The following GRM3 variants were observed in gnomAD, a reference collection of about 807,000 sequenced individuals.
The protein encoded by GRM3 is metabotropic glutamate receptor 3.
Under a neutral mutation model 70.5 loss-of-function variants are expected in GRM3, and 26 were observed. That is an observed-to-expected ratio of 0.37 (90% CI 0.27 to 0.51). The LOEUF (loss-of-function observed/expected upper bound fraction) is 0.51. Among genes scored for constraint, GRM3 ranks in the 20% least tolerant of loss-of-function variants. The pLI, the probability that GRM3 is intolerant of heterozygous loss-of-function variation, is 0.93. For missense variants in GRM3, 859 were observed against 1,123.8 expected (o/e 0.76, Z 3.37); for synonymous variants, 443 against 434.9 (o/e 1.02, Z -0.23).
chr7:86,795,798 T>A (rs1312815127), intron 3 of GRM3, among the ~76,000 whole-genome samples: 2 of 152,212 alleles, frequency 1.3e-5, no homozygotes, highest in Non-Finnish European at 1.5e-5. Context: ...TATTTCTGGT[T>A]CAAGGTCTTT....
intron 4 of GRM3, among the ~76,000 whole-genome samples, chr7:86,840,869 C>G (rs995652408): frequency 2.0e-5 from 3 of 151,938 alleles, no homozygotes; most frequent in Non-Finnish European, 4.4e-5. Flanking sequence ...CCAGCAATTC[C>G]TACATCGCCA....
intron 1 of GRM3, among the ~76,000 whole-genome samples, chr7:86,747,335 A>G (rs1796125787): frequency 6.6e-6 from 1 of 152,104 alleles, no homozygotes; most frequent in African/African-American, 2.4e-5. Flanking sequence ...TCAGGGTAAA[A>G]GGGATTTCAA....
At chr7:86,849,622 A>G (rs1277233427) in intron 4 of GRM3, among the ~76,000 whole-genome samples, 1 of 152,148 alleles carries the variant, frequency 6.6e-6, no homozygotes, top group Non-Finnish European at 1.5e-5. Context: ...GGGGAAAGGA[A>G]AAAAATCTAA....
At chr7:86,857,802 AG>A (rs900899798) in intron 5 of GRM3, among the ~76,000 whole-genome samples, 1 of 152,186 alleles carries the variant, frequency 6.6e-6, no homozygotes, top group Non-Finnish European at 1.5e-5. Context: ...GGCAACTAAG[AG>A]AGTGAAAAGA....
intron 1 of GRM3, among the ~76,000 whole-genome samples, chr7:86,661,032 T>C (rs946265042): frequency 1.3e-5 from 2 of 151,998 alleles, no homozygotes; most frequent in Admixed American, 6.6e-5. Context: ...ATTTTAAAAC[T>C]ACATTTGAAG....
chr7:86,692,338 C>T (rs1794714957), intron 1 of GRM3, among the ~76,000 whole-genome samples: 1 of 152,174 alleles, frequency 6.6e-6, no homozygotes, highest in Admixed American at 6.5e-5. Context: ...TGGCCCTTAA[C>T]CATCTCTTTG....
chr7:86,709,438 T>A (rs1795140886), intron 1 of GRM3, among the ~76,000 whole-genome samples: 1 of 152,076 alleles, frequency 6.6e-6, no homozygotes, highest in African/African-American at 2.4e-5. Context: ...TAAATTTTAT[T>A]CTCTTGCATA....
At chr7:86,651,291 TAAA>T (rs1316689454) in intron 1 of GRM3, among the ~76,000 whole-genome samples, 1 of 152,182 alleles carries the variant, frequency 6.6e-6, no homozygotes, top group Non-Finnish European at 1.5e-5. Flanking sequence ...TTAATGGACA[TAAA>T]AAAGGAACAG....
At chr7:86,856,875 AAC>A (rs1798860239) in intron 5 of GRM3, among the ~76,000 whole-genome samples, 1 of 152,168 alleles carries the variant, frequency 6.6e-6, no homozygotes, top group Non-Finnish European at 1.5e-5. Context: ...CTTCTTTAAT[AAC>A]AGTGACCACA....
intron 5 of GRM3, among the ~76,000 whole-genome samples, chr7:86,854,651 T>C (rs1798814301): frequency 6.6e-6 from 1 of 152,164 alleles, no homozygotes; most frequent in Non-Finnish European, 1.5e-5. Context: ...CCCATAGATA[T>C]TCTGATTCAT....
intron 1 of GRM3, among the ~76,000 whole-genome samples, chr7:86,755,765 C>CT (rs1796331574): frequency 6.6e-6 from 1 of 151,956 alleles, no homozygotes; most frequent in Non-Finnish European, 1.5e-5. Context: ...TCTAGAATGC[C>CT]TAAGGGGGTT....
intron 1 of GRM3, among the ~76,000 whole-genome samples, chr7:86,748,427 C>T (rs1470439191): frequency 6.6e-6 from 1 of 151,970 alleles, no homozygotes; most frequent in East Asian, 1.9e-4. Flanking sequence ...CAATATGTTA[C>T]ATCCACAGAT....
At chr7:86,703,728 AAG>A (rs1794995688) in intron 1 of GRM3, among the ~76,000 whole-genome samples, 1 of 151,944 alleles carries the variant, frequency 6.6e-6, no homozygotes, top group African/African-American at 2.4e-5. Context: ...AAGAAATGGA[AAG>A]TTGACGGCAC....
Position 86,850,394 on chromosome 7 carries a change from T to G in GRM3, c.2416T>G (p.Ser806Ala). ...GGTGCAGACGACAACCATGTGCATC[T>G]CTGTCAGCCTGAGTGGCTTTGTGGT... Reference protein sequence around the residue: ...YRVQTTTMCISVSLSGFVVLG... With the variant: ...YRVQTTTMCIAVSLSGFVVLG... Residue 806 changes from serine (S) to alanine (A), a missense_variant, in exon 5 of 6, where the codon TCT becomes GCT. Ser to Ala is a moderately conservative substitution (Grantham distance 99, BLOSUM62 1). Coordinates refer to ENST00000361669, the MANE Select transcript of GRM3 (RefSeq NM_000840.3). The G allele has an allele frequency of 6.2e-7, 1 of 1,612,964 alleles. No homozygotes were observed. Among genetic ancestry groups the G allele is most frequent in the Non-Finnish European group, 8.5e-7 (1 of 1,179,250 alleles).
intron 1 of GRM3, among the ~76,000 whole-genome samples, chr7:86,704,483 T>C (rs1314262484): frequency 6.6e-6 from 1 of 151,914 alleles, no homozygotes; most frequent in Non-Finnish European, 1.5e-5. Flanking sequence ...ATATCTTCCT[T>C]TGTAAGTCCC....
intron 1 of GRM3, among the ~76,000 whole-genome samples, chr7:86,706,621 C>T (rs1369744412): frequency 1.3e-5 from 2 of 151,838 alleles, no homozygotes; most frequent in African/African-American, 4.8e-5. Context: ...GTGCAAGGCT[C>T]ACATGGAAGC....
intron 1 of GRM3, among the ~76,000 whole-genome samples, chr7:86,747,337 G>A (rs1434163229): frequency 1.3e-5 from 2 of 151,686 alleles, no homozygotes; most frequent in African/African-American, 4.8e-5. Context: ...AGGGTAAAAG[G>A]GATTTCAAAG....
intron 1 of GRM3, among the ~76,000 whole-genome samples, chr7:86,738,876 A>T (rs1490020899): frequency 6.6e-6 from 1 of 152,214 alleles, no homozygotes; most frequent in East Asian, 1.9e-4. Flanking sequence ...TACCTTATAT[A>T]CCTGGTTTTT....
chr7:86,754,368 A>G (rs1796297289), intron 1 of GRM3, among the ~76,000 whole-genome samples: 1 of 152,182 alleles, frequency 6.6e-6, no homozygotes, highest in South Asian at 2.1e-4. Context: ...ATTAACTTGC[A>G]TTAATGTGCC....
Sources: gnomAD v4.1 joint callset for allele counts (sites outside exome capture counted in the v4.1 genomes callset) on GRCh38, gnomAD v4.1.1 for gene constraint, MANE v1.5 for transcripts, NCBI Gene and HGNC (gene_info 2026-07-23, HGNC 2026-07-21) for gene names.